The following HSP90AA1 variants were observed in gnomAD, a reference collection of about 807,000 sequenced individuals.
HSP90AA1 encodes the protein heat shock protein 90 alpha family class A member 1, also known as heat shock protein HSP 90-alpha.
In HSP90AA1, 18 loss-of-function variants were observed where a neutral mutation model predicts 73.3. The observed-to-expected ratio is 0.25, with a 90% CI of 0.17 to 0.36. The LOEUF is 0.36. HSP90AA1 is among the 10% of genes least tolerant of loss of function. HSP90AA1 has a pLI of 1.00. For missense variants in HSP90AA1, 704 were observed against 874.2 expected (o/e 0.81, Z 2.45); for synonymous variants, 477 against 296.9 (o/e 1.61, Z -6.24).
At chr14:102,129,468 T>C (rs947149567) in intron 1 of HSP90AA1, among the ~76,000 whole-genome samples, 1 of 151,348 alleles carries the variant, frequency 6.6e-6, no homozygotes, top group Non-Finnish European at 1.5e-5. Flanking sequence ...ATCCCTAGGC[T>C]ACCACAAATC....
intron 1 of HSP90AA1, among the ~76,000 whole-genome samples, chr14:102,122,743 C>G (rs1183748803): frequency 6.6e-6 from 1 of 151,924 alleles, no homozygotes; most frequent in Non-Finnish European, 1.5e-5. Context: ...TCTCAGCTCA[C>G]TGCAACCTCT....
At position 102,085,000 on chromosome 14, in the gene HSP90AA1, T is replaced by C. The variant is rs1566720325; in HGVS notation, c.664-2A>G. 1 of 1,613,872 alleles carries C rather than the reference T, an allele frequency of 6.2e-7. No individual in the cohort carries two copies. The highest frequency in any genetic ancestry group is 8.5e-7 in the Non-Finnish European group (1 of 1,179,872). On this transcript the variant is annotated splice_acceptor_variant, in intron 4 of 10. Transcript: ENST00000216281. LOFTEE classifies it high-confidence loss of function. ...TTCTTTATCACGTTCCTTCTCCACC[T>C]TCAAAAGAAAACACGAAATCACATC...
chr14:102,089,118 A>G (rs1352734063), upstream of HSP90AA1, among the ~76,000 whole-genome samples: 3 of 151,874 alleles, frequency 2.0e-5, no homozygotes, highest in African/African-American at 7.3e-5. Context: ...ACGGGGTTTC[A>G]CCATGTTGGC....
exon 1 of HSP90AA1, chr14:102,139,270 G>C (rs146442044): frequency 9.9e-6 from 16 of 1,614,002 alleles, no homozygotes; most frequent in Non-Finnish European, 1.3e-5. Flanking sequence ...ACGGCGGCGA[G>C]GAGGCTTCAG....
rs529725910 is a variant in HSP90AA1, at chr14:102,103,069, T to C, written c.156-984A>G. 3.3e-5 allele frequency among the ~76,000 whole-genome samples: 5 copies of C among 150,258 alleles called. 1 individual carries two copies. In the South Asian group the frequency reaches 1.0e-3, roughly 31 times the overall value. On this transcript the variant is annotated intron_variant, in intron 1 of 11. Coordinates refer to the HSP90AA1 transcript ENST00000334701. ...GGTGGCACATGCCTGTAATCCCACCTACTCAGGAGGCTGAGGCACAAGGAT... is the reference window on the plus strand; with the variant it reads ...GGTGGCACATGCCTGTAATCCCACCCACTCAGGAGGCTGAGGCACAAGGAT...
At chr14:102,084,005 T>G in intron 6 of HSP90AA1, 22 bp from the exon 7 acceptor site, 1 of 1,574,796 alleles carries the variant, frequency 6.4e-7, no homozygotes, top group South Asian at 1.1e-5. Flanking sequence ...ATAAACCAAA[T>G]GCACTGAGTC....
At chr14:102,088,907 CTT>C (rs887578558), upstream of HSP90AA1, among the ~76,000 whole-genome samples, 5 of 55,126 alleles carry the variant, frequency 9.1e-5, no homozygotes, top group Admixed American at 2.2e-4. Context: ...TTTTTCTTTT[CTT>C]TTTTTTTTTT....
rs144424288 is a variant in HSP90AA1 at position 102,094,195 on chromosome 14, G to A, written c.366+7680C>T. On this transcript the variant is annotated intron_variant, in intron 2 of 11. Coordinates refer to the HSP90AA1 transcript ENST00000334701. ...CTTGAATTCACCACATGCTGCCGCC[G>A]GGAAGCCGGCAAACTCGTTCCCCTC... Among the ~76,000 whole-genome samples, 29 of 152,294 alleles carry A rather than the reference G, an allele frequency of 1.9e-4. 1 individual carries two copies. In the East Asian group the frequency reaches 5.4e-3, roughly 28 times the overall value.
intron 4 of HSP90AA1, 62 bp from the exon 5 acceptor site, chr14:102,085,060 A>C: frequency 6.2e-7 from 1 of 1,612,124 alleles, no homozygotes; most frequent in Non-Finnish European, 8.5e-7. Context: ...ACAGCGCTGC[A>C]CCACTATTTT....
At chr14:102,098,998 A>G (rs1348695373) in intron 2 of HSP90AA1, among the ~76,000 whole-genome samples, 2 of 152,320 alleles carry the variant, frequency 1.3e-5, no homozygotes, top group East Asian at 1.9e-4. Context: ...ACCTCCACAC[A>G]TTGCAAACAC....
chr14:102,098,247 C>T (rs1470997168), intron 2 of HSP90AA1, among the ~76,000 whole-genome samples: 2 of 151,950 alleles, frequency 1.3e-5, no homozygotes, highest in East Asian at 1.9e-4. Context: ...CTACAACCTC[C>T]GCCTCCCGGG....
intron 8 of HSP90AA1, 93 bp downstream of exon 8, chr14:102,083,453 G>C (rs2049143516): frequency 4.2e-6 from 6 of 1,425,376 alleles, no homozygotes; most frequent in Admixed American, 3.3e-5. Context: ...ATCAATACCA[G>C]TTGTAACAGT....
chr14:102,092,605 G>A (rs550110112), intron 2 of HSP90AA1, among the ~76,000 whole-genome samples: 52 of 152,268 alleles, frequency 3.4e-4, no homozygotes, highest in African/African-American at 1.1e-3. Flanking sequence ...CCTGTAGGAG[G>A]TGGGGCAGAC....
chr14:102,101,917 G>T (rs2049498021), exon 2 of HSP90AA1: 1 of 1,614,174 alleles, frequency 6.2e-7, no homozygotes. Flanking sequence ...CCTTGTAGAG[G>T]TGTTGCCCTG....
intron 1 of HSP90AA1, among the ~76,000 whole-genome samples, chr14:102,122,472 G>A (rs1370257209): frequency 1.3e-5 from 2 of 151,566 alleles, no homozygotes; most frequent in African/African-American, 2.4e-5. Context: ...TAGTAGAGAC[G>A]GGGTTTCACT....
At position 102,086,098 on chromosome 14, in the gene HSP90AA1, G is replaced by A. The variant is rs373573309; in HGVS notation, c.189C>T (p.Ser63=). ...AGTCTAATTTACTGGGATCTGTCAA[G>A]CTTTCATACCGGATTTTGTCCAATG... is the stretch of plus-strand genomic sequence containing the variant. The part of the protein sequence containing the change: ...SDALDKIRYE[S]LTDPSKLDSG... The change falls in exon 3 of 11, where the codon AGC becomes AGT. Residue 63 remains serine, a synonymous_variant. Coordinates refer to ENST00000216281, the MANE Select transcript of HSP90AA1 (RefSeq NM_005348.4). The A allele has an allele frequency of 2.1e-5, 34 of 1,614,022 alleles. No individual in the cohort carries two copies. In the Middle Eastern group the frequency reaches 6.6e-4, roughly 31 times the overall value.
chr14:102,082,717 T>TTCA, intron 9 of HSP90AA1: 1 of 509,112 alleles, frequency 2.0e-6, no homozygotes, highest in Non-Finnish European at 3.5e-6. Context: ...GCCTCCTGGG[T>TTCA]TCAGGCGATT....
chr14:102,082,599 AGG>A, intron 9 of HSP90AA1, 155 bp from the exon 10 acceptor site: 1 of 660,376 alleles, frequency 1.5e-6, no homozygotes, highest in Non-Finnish European at 2.6e-6. Context: ...CAAAGAGCAC[AGG>A]TTATAATTTC....
chr14:102,112,834 T>G (rs1274786012), intron 1 of HSP90AA1, among the ~76,000 whole-genome samples: 2 of 152,204 alleles, frequency 1.3e-5, no homozygotes, highest in African/African-American at 4.8e-5. Flanking sequence ...GCTGTTAAGT[T>G]TTTAATATTC....
Sources: gnomAD v4.1 joint callset for allele counts (sites outside exome capture counted in the v4.1 genomes callset) on GRCh38, gnomAD v4.1.1 for gene constraint, MANE v1.5 for transcripts, NCBI Gene and HGNC (gene_info 2026-07-23, HGNC 2026-07-21) for gene names.